Variants in CDH4 observed in about 807,000 individuals in gnomAD.
CDH4 encodes cadherin-4.
Under a neutral mutation model 86.0 loss-of-function variants are expected in CDH4, and 33 were observed. The ratio of observed to expected loss-of-function variants is 0.38; its 90% CI spans 0.29 to 0.51. The LOEUF is 0.51. Among genes scored for constraint, CDH4 ranks in the 20% least tolerant of loss-of-function variants. The pLI, the probability that CDH4 is intolerant of heterozygous loss-of-function variation, is 0.86. For synonymous variants in CDH4, 555 were observed against 549.4 expected (o/e 1.01, Z -0.14); for missense variants, 1,114 against 1,307.4 (o/e 0.85, Z 2.28).
At chr20:61,616,093 A>G (rs1397827013) in intron 2 of CDH4, among the ~76,000 whole-genome samples, 1 of 152,212 alleles carries the variant, frequency 6.6e-6, no homozygotes, top group Non-Finnish European at 1.5e-5. Flanking sequence ...CACAGAGAGC[A>G]GTGGGTGAGA....
chr20:61,312,014 C>T, intron 2 of CDH4, among the ~76,000 whole-genome samples: 1 of 151,850 alleles, frequency 6.6e-6, no homozygotes, highest in East Asian at 2.0e-4. Context: ...ATGTGTTGTG[C>T]ATATATGTGT....
chr20:61,356,369 A>G (rs1301668909), intron 2 of CDH4, among the ~76,000 whole-genome samples: 1 of 152,216 alleles, frequency 6.6e-6, no homozygotes, highest in Non-Finnish European at 1.5e-5. Flanking sequence ...CAGAGTGTCC[A>G]GGTAAACAAG....
intron 2 of CDH4, among the ~76,000 whole-genome samples, chr20:61,614,790 G>C (rs563690319): frequency 6.6e-6 from 1 of 152,216 alleles, no homozygotes. Context: ...ACTCACTAAT[G>C]GGGGCCCGCT....
intron 3 of CDH4, among the ~76,000 whole-genome samples, chr20:61,746,531 G>A (rs1357385470): frequency 6.6e-6 from 1 of 152,190 alleles, no homozygotes; most frequent in Non-Finnish European, 1.5e-5. Context: ...TGATGTGTGG[G>A]GAAGGAGTGG....
At chr20:61,573,557 T>G (rs556923253) in intron 2 of CDH4, among the ~76,000 whole-genome samples, 2 of 151,686 alleles carry the variant, frequency 1.3e-5, no homozygotes. Flanking sequence ...GTGGAGGGGG[T>G]CGTGTCCCAC....
chr20:61,871,802 C>G (rs1983814796), intron 6 of CDH4, among the ~76,000 whole-genome samples: 1 of 152,232 alleles, frequency 6.6e-6, no homozygotes, highest in South Asian at 2.1e-4. Flanking sequence ...AACTATAATT[C>G]ACGTGCCATA....
rs1424180482 is a variant in CDH4, at chr20:61,544,336, C to T, written c.170-199227C>T. On this transcript the variant is annotated intron_variant, in intron 2 of 15. Coordinates refer to ENST00000614565, the MANE Select transcript of CDH4 (RefSeq NM_001794.5). The surrounding 1 kb of genome is among the most constrained non-coding windows in gnomAD (Gnocchi z 6.5). ...CAGGACAGCCTCGCAGCAGAAGCAT[C>T]CAGCTCCATGTATCACTCGTGTCCA... is the stretch of plus-strand genomic sequence containing the variant. Among the ~76,000 whole-genome samples the T allele has an allele frequency of 6.6e-6, 1 of 151,926 alleles. No individual in the cohort carries two copies. Among genetic ancestry groups the T allele is most frequent in the African/African-American group, 2.4e-5 (1 of 41,352 alleles).
At chr20:61,573,065 G>GATGT (rs2086356235) in intron 2 of CDH4, among the ~76,000 whole-genome samples, 1 of 151,916 alleles carries the variant, frequency 6.6e-6, no homozygotes, top group Admixed American at 6.6e-5. Context: ...TGGATGGATG[G>GATGT]ATGGATAGAT....
chr20:61,557,390 T>C (rs1287290262), intron 2 of CDH4, among the ~76,000 whole-genome samples: 1 of 152,238 alleles, frequency 6.6e-6, no homozygotes, highest in Non-Finnish European at 1.5e-5. Flanking sequence ...GACCGTTGGC[T>C]GATCCAAGGG....
intron 4 of CDH4, among the ~76,000 whole-genome samples, chr20:61,802,555 A>T (rs1167302108): frequency 6.6e-6 from 1 of 152,202 alleles, no homozygotes; most frequent in Non-Finnish European, 1.5e-5. Flanking sequence ...TTGGGGAAAA[A>T]AAAAACAACT....
At chr20:61,841,699 G>C (rs112181696) in intron 4 of CDH4, among the ~76,000 whole-genome samples, 3,736 of 60,632 alleles carry the variant, frequency 0.062, 155 homozygotes, top group African/African-American at 0.11. Context: ...GGTGCATTGC[G>C]GGGGGGAACA....
intron 4 of CDH4, among the ~76,000 whole-genome samples, chr20:61,800,790 A>G (rs1369972795): frequency 6.6e-6 from 1 of 152,022 alleles, no homozygotes; most frequent in Non-Finnish European, 1.5e-5. Flanking sequence ...ATGGGCTGGA[A>G]CTCCCTGCCT....
chr20:61,736,744 C>T (rs1260746316), intron 2 of CDH4, among the ~76,000 whole-genome samples: 2 of 152,158 alleles, frequency 1.3e-5, no homozygotes, highest in Non-Finnish European at 2.9e-5. Context: ...GGGGTCCCTT[C>T]TTAGGGGAGC....
intron 2 of CDH4, among the ~76,000 whole-genome samples, chr20:61,685,721 G>A (rs2087566360): frequency 6.6e-6 from 1 of 152,250 alleles, no homozygotes; most frequent in Admixed American, 6.5e-5. Context: ...CGGACTCAGA[G>A]CATCCGAGGC....
intron 2 of CDH4, among the ~76,000 whole-genome samples, chr20:61,669,288 G>A (rs980383645): frequency 2.0e-5 from 3 of 152,374 alleles, no homozygotes; most frequent in South Asian, 4.1e-4. Context: ...ACCCCACACA[G>A]CGAGCACCAC....
chr20:61,580,042 C>G (rs914113259), intron 2 of CDH4, among the ~76,000 whole-genome samples: 6 of 152,006 alleles, frequency 3.9e-5, no homozygotes, highest in African/African-American at 1.5e-4. Flanking sequence ...AAGCAGCTGA[C>G]TTTGCAGTAG....
At chr20:61,743,499 C>T in intron 2 of CDH4, 64 bp from the exon 3 acceptor site, 1 of 1,300,280 alleles carries the variant, frequency 7.7e-7, no homozygotes, top group South Asian at 1.3e-5. Flanking sequence ...TGCGTGGTTG[C>T]TGCCATTGTT....
In CDH4 at chr20:61,851,566, T is replaced by C. The variant is rs540054666; in HGVS notation, c.733-1188T>C. Among the ~76,000 whole-genome samples, 5 of 152,196 alleles carry C rather than the reference T, an allele frequency of 3.3e-5. No homozygotes were observed. The East Asian group carries it at 7.7e-4, about 24-fold the overall frequency. On this transcript the variant is annotated intron_variant, in intron 5 of 15. Coordinates refer to ENST00000614565, the MANE Select transcript of CDH4 (RefSeq NM_001794.5). Reference sequence around the variant, plus strand: ...GATGTTTTGCTGCAAATACCTTGAGTGAGGTCTGTTGTGTCCAACTTCGAG... The same window carrying C: ...GATGTTTTGCTGCAAATACCTTGAGCGAGGTCTGTTGTGTCCAACTTCGAG...
At chr20:61,894,770 C>A (rs769666122) in intron 7 of CDH4, 140 bp from the exon 8 acceptor site, 6 of 880,136 alleles carry the variant, frequency 6.8e-6, no homozygotes, top group South Asian at 3.4e-5. Flanking sequence ...AAGGGCCCTG[C>A]GCCCAGCACA....
Sources: allele counts gnomAD v4.1 joint callset (sites outside exome capture counted in the v4.1 genomes callset), GRCh38; gene constraint gnomAD v4.1.1; non-coding constraint Gnocchi (gnomAD v3.1); transcripts MANE v1.5; gene names NCBI Gene and HGNC (gene_info 2026-07-23, HGNC 2026-07-21).